Variants in PCDHGA6 observed in about 807,000 individuals in gnomAD.
PCDHGA6 encodes protocadherin gamma-A6.
Under a neutral mutation model 60.6 loss-of-function variants are expected in PCDHGA6, and 41 were observed. The ratio of observed to expected loss-of-function variants is 0.68; its 90% CI spans 0.53 to 0.88. The LOEUF (loss-of-function observed/expected upper bound fraction) is 0.88, where lower values mean the gene tolerates loss of function less well. Ranked by LOEUF, PCDHGA6 falls within the 40% of genes least tolerant of loss-of-function variation. The pLI is 0.00. For synonymous variants in PCDHGA6, 594 were observed against 524.4 expected, an observed-to-expected ratio of 1.13 and a Z score of -1.81; for missense variants, 1,312 against 1,203.0, an observed-to-expected ratio of 1.09 and a Z score of -1.34.
In PCDHGA6 at chr5:141,485,318, G is replaced by A. The variant is rs1318256454; in HGVS notation, c.2425-9489G>A. On this transcript the variant is annotated intron_variant, in intron 1 of 3. Transcript: ENST00000517434. The surrounding 1 kb of genome is among the most constrained non-coding windows in gnomAD (Gnocchi z 5.7). ...GGAAGGGACTTTTGTAGGGAATGTC[G>A]CTCAAGATTTCCTGCTGGATACGGA... 3 of 1,614,142 alleles carry A rather than the reference G, an allele frequency of 1.9e-6. No homozygotes were observed. The highest frequency in any genetic ancestry group is 2.5e-6 in the Non-Finnish European group (3 of 1,180,006).
At chr5:141,417,888 G>T (rs1406210540) in intron 1 of PCDHGA6, 1 of 1,566,768 alleles carries the variant, frequency 6.4e-7, no homozygotes, top group Middle Eastern at 1.7e-4. Context: ...CAGAGGCGCC[G>T]GGCCGGCCCG....
chr5:141,424,797 C>G (rs1262781875), intron 1 of PCDHGA6: 1 of 151,908 alleles, frequency 6.6e-6, no homozygotes, highest in Non-Finnish European at 1.5e-5. Flanking sequence ...TTATTCAGAC[C>G]AACTTGTTAT....
chr5:141,496,284 G>A (rs1052943936), intron 2 of PCDHGA6, among the ~76,000 whole-genome samples: 6 of 152,210 alleles, frequency 3.9e-5, no homozygotes, highest in Admixed American at 1.3e-4. Context: ...CAGTTGGTCT[G>A]AGCAGAGTGG....
Position 141,491,713 on chromosome 5 carries a change from G to T in PCDHGA6, c.2425-3094G>T. The T allele has an allele frequency of 6.2e-7, 1 of 1,609,174 alleles. No individual in the cohort carries two copies. The highest frequency in any genetic ancestry group is 8.5e-7 in the Non-Finnish European group (1 of 1,178,054). On this transcript the variant is annotated intron_variant, in intron 1 of 3. Transcript: ENST00000517434. The surrounding 1 kb of genome is among the most constrained non-coding windows in gnomAD (Gnocchi z 6.9). ...GGAGCGGAGCCAGGTGAGGGGCTCG[G>T]CGCCGCCCCGGGCGACCCCTGGGGG...
chr5:141,439,669 A>T (rs983024479), intron 1 of PCDHGA6, among the ~76,000 whole-genome samples: 4 of 152,174 alleles, frequency 2.6e-5, no homozygotes, highest in Non-Finnish European at 5.9e-5. Context: ...ATGGAATGCA[A>T]ATCCAAGAGC....
rs2099426122 is a variant in PCDHGA6 at position 141,477,960 on chromosome 5, A to C, written c.2425-16847A>C. On this transcript the variant is annotated intron_variant, in intron 1 of 3. Coordinates refer to ENST00000517434, the MANE Select transcript of PCDHGA6 (RefSeq NM_018919.3). This position sits in a 1 kb window ranked among gnomAD's most constrained non-coding sequence, Gnocchi z 4.9. ...TCCTACAGTCTCTTGGGATCCCCTAACCAGAGCCTTTTTGCCATAGGGCTG... is the reference window on the plus strand; with the variant it reads ...TCCTACAGTCTCTTGGGATCCCCTACCCAGAGCCTTTTTGCCATAGGGCTG... 1 of 1,613,952 alleles carries C rather than the reference A, an allele frequency of 6.2e-7. No individual in the cohort carries two copies. Among genetic ancestry groups the C allele is most frequent in the African/African-American group, 1.3e-5 (1 of 74,922 alleles).
intron 1 of PCDHGA6, chr5:141,398,766 T>C (rs775055352): frequency 6.2e-6 from 10 of 1,613,844 alleles, no homozygotes; most frequent in Non-Finnish European, 7.6e-6. Flanking sequence ...TAGTCCTGAC[T>C]GCCTTGGACG....
At chr5:141,384,163 C>T in intron 1 of PCDHGA6, 1 of 1,613,658 alleles carries the variant, frequency 6.2e-7, no homozygotes, top group Non-Finnish European at 8.5e-7. Context: ...TAACATCACA[C>T]TGAAAGCCAC....
intron 1 of PCDHGA6, among the ~76,000 whole-genome samples, chr5:141,438,458 G>A (rs1462204360): frequency 6.6e-6 from 1 of 151,538 alleles, no homozygotes. Context: ...CAATGCTTGA[G>A]TTCAATTATT....
intron 1 of PCDHGA6, among the ~76,000 whole-genome samples, chr5:141,381,978 C>T (rs1002371340): frequency 6.6e-6 from 1 of 151,452 alleles, no homozygotes; most frequent in Non-Finnish European, 1.5e-5. Flanking sequence ...TACAGGCGCG[C>T]GCCACCACGC....
rs778198822 is a variant in PCDHGA6, at chr5:141,432,802, A to C, written c.2424+56295A>C. 6.2e-7 allele frequency: 1 copy of C among 1,614,082 alleles called. No homozygotes were observed. The highest frequency in any genetic ancestry group is 1.1e-5 in the South Asian group (1 of 91,076). The stretch of plus-strand genomic sequence containing the variant: ...CGGACCTCGGCAGCCTCGAGTCTCC[A>C]GCTAACTCTGAAACCTCAGACCTCA... On this transcript the variant is annotated intron_variant, in intron 1 of 3. Transcript: ENST00000517434. This position sits in a 1 kb window ranked among gnomAD's most constrained non-coding sequence, Gnocchi z 6.0.
intron 1 of PCDHGA6, 24 bp downstream of exon 1, chr5:141,376,531 G>T (rs1240526589): frequency 3.7e-6 from 6 of 1,613,608 alleles, no homozygotes; most frequent in Non-Finnish European, 5.1e-6. Context: ...CGCCTAAGCG[G>T]GAAGAGTAAT....
rs143362044 is a variant in PCDHGA6, at chr5:141,511,092, C to T, written c.2718C>T (p.Asn906=). The T allele has an allele frequency of 4.5e-5, 73 of 1,614,088 alleles. No homozygotes were observed. Among genetic ancestry groups the T allele is most frequent in the Admixed American group, 1.5e-4 (9 of 60,012 alleles). ...YIPGSNATLT[N]AAGKRDGKAP... is the part of the protein sequence containing the mutation. ...CAGGCAGCAATGCCACACTGACCAA[C>T]GCAGCTGGCAAGCGGGATGGCAAGG... The change falls in exon 4 of 4, where the codon AAC becomes AAT. Residue 906 remains asparagine, a synonymous_variant. Coordinates refer to ENST00000517434, the MANE Select transcript of PCDHGA6 (RefSeq NM_018919.3).
chr5:141,398,336 C>T lies in PCDHGA6; in HGVS notation c.2424+21829C>T, dbSNP rs2093641789. The T allele has an allele frequency of 7.3e-6, 10 of 1,363,224 alleles. No individual in the cohort carries two copies. In the East Asian group the frequency reaches 1.7e-4, roughly 24 times the overall value. 84.4% of individuals were successfully genotyped at this position (1,363,224 alleles called of 1,614,324 possible). On this transcript the variant is annotated intron_variant, in intron 1 of 3. Coordinates refer to ENST00000517434, the MANE Select transcript of PCDHGA6 (RefSeq NM_018919.3). ...CCGACTCGAAAACTGCGCGTCAGTT[C>T]GGAGAAGCCTTACTTCACCGTGAGC...
intron 1 of PCDHGA6, chr5:141,471,166 C>T (rs1427053969): frequency 2.0e-5 from 3 of 150,492 alleles, no homozygotes; most frequent in Non-Finnish European, 2.9e-5. Context: ...TCTCCTGGCT[C>T]AGCCTCCCTA....
intron 1 of PCDHGA6, chr5:141,424,561 T>C (rs972361161): frequency 7.9e-5 from 12 of 152,236 alleles, no homozygotes; most frequent in African/African-American, 2.9e-4. Flanking sequence ...TCAGTGCTTC[T>C]CAAAAACCTA....
At position 141,397,489 on chromosome 5, in the gene PCDHGA6, A is replaced by G. The variant is rs568778994; in HGVS notation, c.2424+20982A>G. 3.3e-5 allele frequency among the ~76,000 whole-genome samples: 5 copies of G among 152,372 alleles called. No homozygotes were observed. In the East Asian group the frequency reaches 9.6e-4, roughly 29 times the overall value. ...GGAGTTGGAAATCATAGAAATGAAC[A>G]GAAGAATGATAAAATTGTTTCCATA... On this transcript the variant is annotated intron_variant, in intron 1 of 3. Coordinates refer to ENST00000517434, the MANE Select transcript of PCDHGA6 (RefSeq NM_018919.3).
chr5:141,401,506 C>A (rs2094161695), intron 1 of PCDHGA6, among the ~76,000 whole-genome samples: 1 of 152,126 alleles, frequency 6.6e-6, no homozygotes, highest in Non-Finnish European at 1.5e-5. Flanking sequence ...CCTTTTCCAC[C>A]TCTATATAAT....
intron 2 of PCDHGA6, among the ~76,000 whole-genome samples, chr5:141,499,298 C>A (rs1239333151): frequency 6.6e-6 from 1 of 152,210 alleles, no homozygotes; most frequent in African/African-American, 2.4e-5. Context: ...ACACTACCAT[C>A]CCTCCTCTGA....
Sources: gnomAD v4.1 joint callset for allele counts (sites outside exome capture counted in the v4.1 genomes callset) on GRCh38, gnomAD v4.1.1 for gene constraint, Gnocchi (gnomAD v3.1) non-coding constraint, MANE v1.5 for transcripts, NCBI Gene and HGNC (gene_info 2026-07-23, HGNC 2026-07-21) for gene names.